The following SGIP1 variants were observed in gnomAD, a reference collection of about 807,000 sequenced individuals.
SGIP1 encodes SH3-containing GRB2-like protein 3-interacting protein 1.
SGIP1 carries 38 observed loss-of-function variants against 107.5 expected under a neutral mutation model. That is an observed-to-expected ratio of 0.35 (90% CI 0.27 to 0.46). The LOEUF (loss-of-function observed/expected upper bound fraction) is 0.46, where lower values mean the gene tolerates loss of function less well. Ranked by LOEUF, SGIP1 falls within the 20% of genes least tolerant of loss-of-function variation. The probability of loss-of-function intolerance (pLI) is 1.00; values close to 1 mark genes in which losing one functional copy is unlikely to be tolerated. For synonymous variants in SGIP1, 365 were observed against 366.1 expected (o/e 1.00, Z 0.03); for missense variants, 929 against 1,019.5 (o/e 0.91, Z 1.21).
intron 4 of SGIP1, among the ~76,000 whole-genome samples, chr1:66,638,712 G>A (rs186524261): frequency 5.9e-5 from 9 of 152,324 alleles, no homozygotes; most frequent in Non-Finnish European, 1.0e-4. Context: ...GGGTTATCTA[G>A]TGATCCTATG....
intron 18 of SGIP1, among the ~76,000 whole-genome samples, chr1:66,697,026 TAAAC>T (rs1339251677): frequency 2.0e-5 from 3 of 152,064 alleles, no homozygotes; most frequent in African/African-American, 7.2e-5. Flanking sequence ...ACCAGGAAAG[TAAAC>T]AAGGCACTTT....
Position 66,705,885 on chromosome 1 carries a change from G to A in SGIP1, c.1630+10392G>A, listed in dbSNP as rs573830387. ...GGGCCTGTCGGGAGTTGGGAGGCAA[G>A]GAGAGGGAGAGCATTAGAACAAATA... On this transcript the variant is annotated intron_variant, in intron 18 of 24. Transcript: ENST00000371037. Among the ~76,000 whole-genome samples, 5 of 152,230 alleles carry A rather than the reference G, an allele frequency of 3.3e-5. No individual in the cohort carries two copies. In the South Asian group the frequency reaches 1.0e-3, roughly 32 times the overall value.
chr1:66,656,112 CTT>C (rs2079729993), intron 7 of SGIP1, among the ~76,000 whole-genome samples: 1 of 151,932 alleles, frequency 6.6e-6, no homozygotes, highest in Non-Finnish European at 1.5e-5. Flanking sequence ...AAAAATTTTT[CTT>C]TTCACTTTTT....
intron 1 of SGIP1, among the ~76,000 whole-genome samples, chr1:66,598,946 A>G (rs1174269206): frequency 6.6e-6 from 1 of 152,202 alleles, no homozygotes; most frequent in Non-Finnish European, 1.5e-5. Context: ...ACTGGGATGA[A>G]ATGCAAGCAC....
chr1:66,588,147 A>C (rs373434698), intron 1 of SGIP1, among the ~76,000 whole-genome samples: 4 of 152,200 alleles, frequency 2.6e-5, no homozygotes, highest in African/African-American at 9.6e-5. Flanking sequence ...TTCACTTATT[A>C]AACTTCCAGT....
At chr1:66,696,190 A>G (rs1442557897) in intron 18 of SGIP1, among the ~76,000 whole-genome samples, 2 of 152,216 alleles carry the variant, frequency 1.3e-5, no homozygotes, top group African/African-American at 4.8e-5. Context: ...ATAAAGGGTA[A>G]GCATTCTTCT....
At chr1:66,614,223 C>G (rs1345823580) in intron 1 of SGIP1, among the ~76,000 whole-genome samples, 1 of 152,186 alleles carries the variant, frequency 6.6e-6, no homozygotes, top group Non-Finnish European at 1.5e-5. Flanking sequence ...GAAGGGATGG[C>G]TTAATAAATC....
intron 1 of SGIP1, among the ~76,000 whole-genome samples, chr1:66,591,604 C>T (rs901375291): frequency 2.0e-5 from 3 of 152,194 alleles, no homozygotes; most frequent in African/African-American, 7.2e-5. Context: ...GTGGGTGTTT[C>T]TCGTCAGGTG....
chr1:66,745,709 A>T lies in SGIP1; in HGVS notation c.*2614A>T, dbSNP rs2094543163. The T allele has an allele frequency of 6.6e-6, 1 of 152,066 alleles. No homozygotes were observed. The highest frequency in any genetic ancestry group is 2.4e-5 in the African/African-American group (1 of 41,442). The allele number at this position is 152,066 out of a possible 1,614,324, so 9.4% of individuals were successfully genotyped here. ...AATTGTTCTAGTTAACCAGAACACC[A>T]TTTCCTGAACGTTATGATCTTTAAA... On this transcript the variant is annotated 3_prime_UTR_variant, in exon 25 of 25. Coordinates refer to ENST00000371037, the MANE Select transcript of SGIP1 (RefSeq NM_032291.4).
intron 1 of SGIP1, among the ~76,000 whole-genome samples, chr1:66,620,373 G>A (rs568745762): frequency 3.3e-5 from 5 of 152,168 alleles, no homozygotes; most frequent in Admixed American, 6.5e-5. Context: ...TGTACTAGCC[G>A]TTCTGACACT....
intron 1 of SGIP1, among the ~76,000 whole-genome samples, chr1:66,542,813 C>A (rs1211863331): frequency 6.6e-6 from 1 of 152,114 alleles, no homozygotes; most frequent in Non-Finnish European, 1.5e-5. Context: ...GAAACTAGGG[C>A]CCACTAAGGT....
intron 24 of SGIP1, 43 bp from the exon 25 acceptor site, chr1:66,743,030 T>G: frequency 6.2e-7 from 1 of 1,611,442 alleles, no homozygotes; most frequent in Non-Finnish European, 8.5e-7. Context: ...ATTACATTAT[T>G]GAACTACCAG....
intron 19 of SGIP1, among the ~76,000 whole-genome samples, chr1:66,719,845 A>G (rs1169752620): frequency 6.6e-6 from 1 of 152,200 alleles, no homozygotes; most frequent in Admixed American, 6.5e-5. Flanking sequence ...GGATGAGAAC[A>G]TGAAAGAAAA....
intron 1 of SGIP1, among the ~76,000 whole-genome samples, chr1:66,608,613 G>A (rs2067305309): frequency 6.6e-6 from 1 of 152,132 alleles, no homozygotes; most frequent in Non-Finnish European, 1.5e-5. Flanking sequence ...AAGCTCTCTG[G>A]TTTTCTGAAG....
intron 1 of SGIP1, among the ~76,000 whole-genome samples, chr1:66,607,274 A>G (rs1279093755): frequency 2.0e-5 from 3 of 152,220 alleles, no homozygotes; most frequent in Non-Finnish European, 4.4e-5. Context: ...TGCCTCGAGG[A>G]CAAGGAACCA....
Position 66,749,995 on chromosome 1 carries a change from TTCTCTCTC to T in SGIP1, c.*6914_*6921del, listed in dbSNP as rs71058473. ...GAGATTGGCTCCTATCTAATTCATA[TTCTCTCTC>T]TCTCTCTCTCTCTTTCTCTGTGTGT... On this transcript the variant is annotated 3_prime_UTR_variant, in exon 25 of 25. Transcript: ENST00000371037. Among the ~76,000 whole-genome samples, 2 of 93,106 alleles carry T rather than the reference TTCTCTCTC, an allele frequency of 2.1e-5. No homozygotes were observed. The highest frequency in any genetic ancestry group is 4.7e-5 in the Non-Finnish European group (2 of 42,806). The allele number at this position is 93,106 out of a possible 152,430, so 61.1% of individuals were successfully genotyped here.
chr1:66,556,737 A>G (rs920245201), intron 1 of SGIP1, among the ~76,000 whole-genome samples: 1 of 151,706 alleles, frequency 6.6e-6, no homozygotes, highest in African/African-American at 2.4e-5. Flanking sequence ...ATCAGAAAGT[A>G]TTCTTTAAAG....
At chr1:66,607,423 C>A (rs937889969) in intron 1 of SGIP1, among the ~76,000 whole-genome samples, 5 of 152,188 alleles carry the variant, frequency 3.3e-5, no homozygotes, top group Admixed American at 3.3e-4. Context: ...ATGTGGCCCA[C>A]CATTGGCCAC....
intron 8 of SGIP1, among the ~76,000 whole-genome samples, chr1:66,662,113 T>C (rs2081613547): frequency 6.6e-6 from 1 of 152,216 alleles, no homozygotes; most frequent in African/African-American, 2.4e-5. Context: ...AAATTAATGC[T>C]TGCCAAATAG....
Sources: allele counts gnomAD v4.1 joint callset (sites outside exome capture counted in the v4.1 genomes callset), GRCh38; gene constraint gnomAD v4.1.1; transcripts MANE v1.5; gene names NCBI Gene and HGNC (gene_info 2026-07-23, HGNC 2026-07-21).